ZFP64: variants seen among roughly 807,000 people sequenced by gnomAD.
ZFP64 encodes the protein ZFP64 zinc finger protein.
Under a neutral mutation model 51.6 loss-of-function variants are expected in ZFP64, and 14 were observed. The observed-to-expected ratio is 0.27, with a 90% confidence interval of 0.18 to 0.42. ZFP64 has a LOEUF of 0.42. Among genes scored for constraint, ZFP64 ranks in the 10% least tolerant of loss-of-function variants. The pLI is 1.00. For missense variants in ZFP64, 754 were observed against 906.8 expected, an observed-to-expected ratio of 0.83 and a Z score of 2.16; for synonymous variants, 375 against 361.4, an observed-to-expected ratio of 1.04 and a Z score of -0.43.
In ZFP64 at chr20:52,160,265, C is replaced by T. The variant is rs150124970; in HGVS notation, c.621G>A (p.Thr207=). 61 of 1,614,018 alleles carry T rather than the reference C, an allele frequency of 3.8e-5. No individual in the cohort carries two copies. In the African/African-American group the frequency reaches 6.7e-4, roughly 18 times the overall value. The change falls in exon 5 of 6, where the codon ACG becomes ACA. Residue 207 remains threonine, a synonymous_variant. Coordinates refer to ENST00000216923, the MANE Select transcript of ZFP64 (RefSeq NM_018197.3). The surrounding 1 kb of genome is among the most constrained non-coding windows in gnomAD (Gnocchi z 4.2). Reference sequence around the variant, plus strand: ...TGCTGTCGGCAGCGGCGTAGTCACACGTCTTACACTTGTAGGGCTTCACGC... The same window carrying T: ...TGCTGTCGGCAGCGGCGTAGTCACATGTCTTACACTTGTAGGGCTTCACGC... ...HTGVKPYKCK[T]CDYAAADSSS...
intron 1 of ZFP64, 150 bp from the exon 2 acceptor site, chr20:52,187,221 T>C: frequency 1.3e-6 from 1 of 749,914 alleles, no homozygotes; most frequent in South Asian, 2.0e-5. Flanking sequence ...TCCTGCGAAC[T>C]GCATCCTAAT....
At chr20:52,168,050 G>C (rs1371234724) in intron 2 of ZFP64, among the ~76,000 whole-genome samples, 1 of 151,852 alleles carries the variant, frequency 6.6e-6, no homozygotes, top group Admixed American at 6.6e-5. Context: ...TTATCGAATG[G>C]GCTTTTCCTG....
intron 1 of ZFP64, among the ~76,000 whole-genome samples, chr20:52,189,176 G>A (rs1600828356): frequency 6.6e-6 from 1 of 151,976 alleles, no homozygotes. Context: ...CGAGATGGGT[G>A]GATCACAACA....
At chr20:52,118,313 T>C (rs1338245651) in intron 5 of ZFP64, among the ~76,000 whole-genome samples, 1 of 151,904 alleles carries the variant, frequency 6.6e-6, no homozygotes, top group African/African-American at 2.4e-5. Context: ...TCTTTATTTA[T>C]AGAGAAAACA....
exon 8 of ZFP64, chr20:52,088,588 G>A: frequency 1.1e-5 from 17 of 1,614,206 alleles, no homozygotes; most frequent in Non-Finnish European, 1.4e-5. Context: ...GCATGGTCAG[G>A]TTGTCCTTCC....
At chr20:52,111,895 A>C (rs955207153) in intron 5 of ZFP64, among the ~76,000 whole-genome samples, 6 of 151,992 alleles carry the variant, frequency 3.9e-5, no homozygotes, top group Non-Finnish European at 8.8e-5. Context: ...CAGCCTGGAC[A>C]ACGTGGTGAA....
intron 5 of ZFP64, among the ~76,000 whole-genome samples, chr20:52,144,382 A>G (rs1336572160): frequency 7.0e-6 from 1 of 143,560 alleles, no homozygotes; most frequent in African/African-American, 2.5e-5. Flanking sequence ...GATCAAGACT[A>G]TCCTGGTCAA....
chr20:52,091,786 G>C (rs546379465), intron 7 of ZFP64, among the ~76,000 whole-genome samples: 1 of 146,918 alleles, frequency 6.8e-6, no homozygotes, highest in East Asian at 2.0e-4. Flanking sequence ...TTGGGAGTTC[G>C]AGACCAACCT....
exon 8 of ZFP64, chr20:52,088,456 G>A: frequency 6.2e-7 from 1 of 1,614,198 alleles, no homozygotes; most frequent in Non-Finnish European, 8.5e-7. Context: ...GGCAGAGCTG[G>A]CATTTGTACG....
At chr20:52,171,468 G>A (rs557123080) in intron 2 of ZFP64, among the ~76,000 whole-genome samples, 1 of 152,198 alleles carries the variant, frequency 6.6e-6, no homozygotes, top group East Asian at 1.9e-4. Flanking sequence ...TGGTCAGACT[G>A]ACCTTGGACC....
At chr20:52,140,045 G>A (rs1600743751) in intron 5 of ZFP64, among the ~76,000 whole-genome samples, 1 of 151,914 alleles carries the variant, frequency 6.6e-6, no homozygotes, top group Non-Finnish European at 1.5e-5. Flanking sequence ...TATTACTGTT[G>A]TAATTGCTCC....
In ZFP64 at chr20:52,165,875, C is replaced by G; in HGVS notation, c.437G>C (p.Cys146Ser). Reference protein sequence around the residue: ...TTPPAQKRLNCCYPGCQFKTA... With the variant: ...TTPPAQKRLNSCYPGCQFKTA... ...AATGCTGCCTTTACCTGGATAGCAACAGTTAAGCCTTTTCTGAGCAGGTGG... is the reference window on the plus strand; with the variant it reads ...AATGCTGCCTTTACCTGGATAGCAAGAGTTAAGCCTTTTCTGAGCAGGTGG... Residue 146 changes from cysteine to serine, a missense_variant, in exon 3 of 6, where the codon TGT becomes TCT. Transcript: ENST00000216923. The G allele has an allele frequency of 1.9e-6, 3 of 1,614,058 alleles. No individual in the cohort carries two copies. The highest frequency in any genetic ancestry group is 2.5e-6 in the Non-Finnish European group (3 of 1,179,948).
rs1354703184 is a variant in ZFP64 at position 52,165,862 on chromosome 20, A to G, written c.448+2T>C. On this transcript the variant is annotated splice_donor_variant, in intron 3 of 5. Transcript: ENST00000216923. LOFTEE classifies it high-confidence loss of function. ...ACAAGTAGGACATAATGCTGCCTTTACCTGGATAGCAACAGTTAAGCCTTT... is the reference window on the plus strand; with the variant it reads ...ACAAGTAGGACATAATGCTGCCTTTGCCTGGATAGCAACAGTTAAGCCTTT... 6.2e-6 allele frequency: 10 copies of G among 1,613,990 alleles called. No individual in the cohort carries two copies. Among genetic ancestry groups the G allele is most frequent in the Non-Finnish European group, 8.5e-6 (10 of 1,179,908 alleles).
exon 9 of ZFP64, chr20:52,084,386 G>T: frequency 1.6e-6 from 1 of 631,826 alleles, no homozygotes. Flanking sequence ...GCCCTGCTTT[G>T]CTTTGCTTTC....
downstream of ZFP64, among the ~76,000 whole-genome samples, chr20:52,148,130 C>G (rs1371212786): frequency 2.6e-5 from 4 of 152,056 alleles, no homozygotes; most frequent in East Asian, 7.7e-4. Flanking sequence ...GAATAAATAT[C>G]TAAGAATTGC....
In ZFP64 at chr20:52,152,064, T is replaced by C. The variant is rs1016185187; in HGVS notation, c.*82A>G. On this transcript the variant is annotated 3_prime_UTR_variant, in exon 6 of 6. Coordinates refer to ENST00000216923, the MANE Select transcript of ZFP64 (RefSeq NM_018197.3). ...AAACAAAACAAAACAAAGAAAACATTAAGAGCAAACCTTTTAGAGAATTCT... is the reference window on the plus strand; with the variant it reads ...AAACAAAACAAAACAAAGAAAACATCAAGAGCAAACCTTTTAGAGAATTCT... The C allele has an allele frequency of 7.3e-6, 11 of 1,508,930 alleles. No individual in the cohort carries two copies. In the Middle Eastern group the frequency reaches 8.3e-4, roughly 114 times the overall value. 93.5% of individuals were successfully genotyped at this position (1,508,930 alleles called of 1,614,324 possible).
At chr20:52,097,292 T>C in intron 7 of ZFP64, 1 of 1,499,126 alleles carries the variant, frequency 6.7e-7, no homozygotes, top group Non-Finnish European at 9.2e-7. Flanking sequence ...GACTGTCCTG[T>C]TCATTACTGT....
chr20:52,099,963 T>A (rs536983795), intron 5 of ZFP64, among the ~76,000 whole-genome samples: 276 of 152,308 alleles, frequency 1.8e-3, no homozygotes, highest in African/African-American at 6.6e-3. Flanking sequence ...TAGACTTAAA[T>A]CTAAAAGGAA....
Position 52,085,259 on chromosome 20 carries a change from G to A in ZFP64, c.1236C>T (p.Thr412=), listed in dbSNP as rs2078852162. 3 of 1,610,794 alleles carry A rather than the reference G, an allele frequency of 1.9e-6. No homozygotes were observed. Among genetic ancestry groups the A allele is most frequent in the African/African-American group, 1.3e-5 (1 of 74,894 alleles). ...CGCTACAGAGCCAGCACTGGAAGGG[G>A]GTATCCCCTAGCAATGGAAGGTGTG... is the stretch of plus-strand genomic sequence containing the variant. The change falls in exon 9 of 9, where the codon ACC becomes ACT. Residue 412 remains threonine (T), a synonymous_variant. Transcript: ENST00000361387. The surrounding 1 kb of genome is among the most constrained non-coding windows in gnomAD (Gnocchi z 4.3).
Sources: allele counts gnomAD v4.1 joint callset (sites outside exome capture counted in the v4.1 genomes callset), GRCh38; gene constraint gnomAD v4.1.1; non-coding constraint Gnocchi (gnomAD v3.1); transcripts MANE v1.5; gene names NCBI Gene and HGNC (gene_info 2026-07-23, HGNC 2026-07-21).